ADGRF5: variants seen among roughly 807,000 people sequenced by gnomAD.
ADGRF5 encodes the protein adhesion G protein-coupled receptor F5, also known as G-protein coupled receptor 116.
Under a neutral mutation model 132.3 loss-of-function variants are expected in ADGRF5, and 75 were observed. The observed-to-expected ratio is 0.57, with a 90% CI of 0.47 to 0.69. The LOEUF is 0.69. Ranked by LOEUF, ADGRF5 falls within the 30% of genes least tolerant of loss-of-function variation. The pLI is 0.00. For synonymous variants in ADGRF5, 629 were observed against 597.6 expected (o/e 1.05, Z -0.77); for missense variants, 1,516 against 1,630.6 (o/e 0.93, Z 1.21).
chr6:46,898,952 A>C (rs1470815837), intron 3 of ADGRF5, among the ~76,000 whole-genome samples: 1 of 152,254 alleles, frequency 6.6e-6, no homozygotes, highest in African/African-American at 2.4e-5. Flanking sequence ...TGGTTGAGAA[A>C]GAAACTGAGC....
At chr6:46,941,452 A>AAAAGAAAAGAAAAGAAAAGAAAAG (rs1778077658) in intron 1 of ADGRF5, among the ~76,000 whole-genome samples, 1 of 45,018 alleles carries the variant, frequency 2.2e-5, no homozygotes, top group Admixed American at 2.1e-4. Flanking sequence ...AAAAGAAAAG[A>AAAAGAAAAGAAAAGAAAAGAAAAG]AAAGAAAAGA....
At chr6:46,888,228 A>C in intron 4 of ADGRF5, 107 bp downstream of exon 4, 1 of 770,772 alleles carries the variant, frequency 1.3e-6, no homozygotes, top group South Asian at 1.7e-5. Context: ...TCGGTGAGTC[A>C]TTTCACTTGC....
At chr6:46,949,330 C>T (rs1038991577) in intron 1 of ADGRF5, among the ~76,000 whole-genome samples, 1 of 152,168 alleles carries the variant, frequency 6.6e-6, no homozygotes, top group African/African-American at 2.4e-5. Flanking sequence ...TCTTTGAGTC[C>T]ACAAAGGATA....
At chr6:46,876,925 T>C (rs2150824311) in intron 10 of ADGRF5, among the ~76,000 whole-genome samples, 1 of 152,352 alleles carries the variant, frequency 6.6e-6, no homozygotes, top group Non-Finnish European at 1.5e-5. Flanking sequence ...TTAAAAATAA[T>C]TTAATCAATT....
At chr6:46,901,535 C>T (rs1181742567) in intron 2 of ADGRF5, among the ~76,000 whole-genome samples, 4 of 152,148 alleles carry the variant, frequency 2.6e-5, no homozygotes, top group African/African-American at 9.7e-5. Flanking sequence ...TATTTAACAC[C>T]CTGTGCCAAG....
At chr6:46,887,136 T>A (rs1056611469) in intron 4 of ADGRF5, 1 of 152,200 alleles carries the variant, frequency 6.6e-6, no homozygotes, top group Admixed American at 6.5e-5. Flanking sequence ...GTGTCTATAA[T>A]CACAAGTTGT....
intron 1 of ADGRF5, among the ~76,000 whole-genome samples, chr6:46,938,584 C>A (rs1777934761): frequency 6.6e-6 from 1 of 152,144 alleles, no homozygotes; most frequent in Non-Finnish European, 1.5e-5. Context: ...GGGATCAGCA[C>A]CTTAGTGATC....
At chr6:46,908,307 T>C (rs980309361) in intron 1 of ADGRF5, among the ~76,000 whole-genome samples, 14 of 152,194 alleles carry the variant, frequency 9.2e-5, no homozygotes, top group Non-Finnish European at 1.9e-4. Context: ...AAGTTTTATC[T>C]TCCTTTTTGA....
chr6:46,888,615 G>T, intron 3 of ADGRF5, 110 bp from the exon 4 acceptor site: 1 of 739,892 alleles, frequency 1.4e-6, no homozygotes, highest in South Asian at 1.7e-5. Context: ...TGAATGGTTG[G>T]TCTATCAACC....
intron 10 of ADGRF5, among the ~76,000 whole-genome samples, chr6:46,877,075 C>T (rs993071359): frequency 6.6e-6 from 1 of 152,184 alleles, no homozygotes; most frequent in African/African-American, 2.4e-5. Flanking sequence ...TTGGATCTTG[C>T]TCTATGCAGT....
chr6:46,954,296 C>T (rs964319534), intron 1 of ADGRF5, among the ~76,000 whole-genome samples: 8 of 151,918 alleles, frequency 5.3e-5, no homozygotes, highest in African/African-American at 1.9e-4. Context: ...ACACCCGTTC[C>T]TATTTCTGTT....
chr6:46,877,292 T>TTTCTTTCTTC, intron 10 of ADGRF5, among the ~76,000 whole-genome samples: 1 of 45,338 alleles, frequency 2.2e-5, no homozygotes, highest in South Asian at 6.4e-4. Context: ...TCTTTCTTTC[T>TTTCTTTCTTC]CTCTCTCTCT....
At chr6:46,909,846 T>G (rs1775759930) in intron 1 of ADGRF5, among the ~76,000 whole-genome samples, 1 of 151,854 alleles carries the variant, frequency 6.6e-6, no homozygotes, top group Non-Finnish European at 1.5e-5. Flanking sequence ...TTTTTTTTTT[T>G]GTAAATAGCC....
chr6:46,951,407 G>C (rs1028039079), intron 1 of ADGRF5, among the ~76,000 whole-genome samples: 3 of 152,196 alleles, frequency 2.0e-5, no homozygotes, highest in Non-Finnish European at 4.4e-5. Context: ...GTGTCTGTTT[G>C]CTTTCTCCCA....
At chr6:46,944,330 G>A (rs1276676663) in intron 1 of ADGRF5, among the ~76,000 whole-genome samples, 1 of 152,220 alleles carries the variant, frequency 6.6e-6, no homozygotes, top group African/African-American at 2.4e-5. Context: ...GTGGAGCTCA[G>A]GCAATAACAC....
chr6:46,853,233 T>C lies in ADGRF5; in HGVS notation c.*759A>G, dbSNP rs1768675164. 6.6e-6 allele frequency: 1 copy of C among 152,230 alleles called. No individual in the cohort carries two copies. The highest frequency in any genetic ancestry group is 2.1e-4 in the South Asian group (1 of 4,834). 9.4% of individuals were successfully genotyped at this position (152,230 alleles called of 1,614,324 possible). A position where few individuals can be genotyped will look rare whatever the true frequency, so the allele number is the denominator to read the frequency against. ...TACAAAGTTAGTCTCAGGAGGATCA[T>C]ATTTCCTTCCATTCATTTCTTATAA... is the stretch of plus-strand genomic sequence containing the variant. On this transcript the variant is annotated 3_prime_UTR_variant, in exon 21 of 21. Transcript: ENST00000283296.
intron 10 of ADGRF5, among the ~76,000 whole-genome samples, chr6:46,876,937 C>T (rs1337880840): frequency 6.6e-6 from 1 of 152,204 alleles, no homozygotes; most frequent in Non-Finnish European, 1.5e-5. Context: ...TAATCAATTT[C>T]CATAGCTAAG....
chr6:46,949,484 A>G (rs1034008066), intron 1 of ADGRF5, among the ~76,000 whole-genome samples: 4 of 152,252 alleles, frequency 2.6e-5, no homozygotes, highest in Non-Finnish European at 5.9e-5. Flanking sequence ...ATGTAGCAGA[A>G]AAGGAAAGAT....
intron 3 of ADGRF5, 49 bp from the exon 4 acceptor site, chr6:46,888,554 A>C (rs760503903): frequency 4.6e-6 from 6 of 1,297,226 alleles, no homozygotes; most frequent in East Asian, 4.6e-5. Context: ...TGGGAGATGG[A>C]GTAAGATCAT....
Sources: allele counts gnomAD v4.1 joint callset (sites outside exome capture counted in the v4.1 genomes callset), GRCh38; gene constraint gnomAD v4.1.1; transcripts MANE v1.5; gene names NCBI Gene and HGNC (gene_info 2026-07-23, HGNC 2026-07-21).